DPP10: variants seen among roughly 807,000 people sequenced by gnomAD.
DPP10 encodes the protein dipeptidyl peptidase like 10, also known as inactive dipeptidyl peptidase 10.
DPP10 carries 33 observed loss-of-function variants against 120.9 expected under a neutral mutation model. That is an observed-to-expected ratio of 0.27 (90% CI 0.21 to 0.37). The LOEUF (loss-of-function observed/expected upper bound fraction) is 0.37. Among genes scored for constraint, DPP10 ranks in the 10% least tolerant of loss-of-function variants. The pLI, the probability that DPP10 is intolerant of heterozygous loss-of-function variation, is 1.00. For synonymous variants in DPP10, 337 were observed against 326.1 expected, an observed-to-expected ratio of 1.03 and a Z score of -0.36; for missense variants, 816 against 942.8, an observed-to-expected ratio of 0.87 and a Z score of 1.76.
At chr2:114,481,898 A>AGAGGAGAAGGGAGAAG (rs1333740490) in intron 1 of DPP10, among the ~76,000 whole-genome samples, 1 of 151,318 alleles carries the variant, frequency 6.6e-6, no homozygotes, top group African/African-American at 2.4e-5. Flanking sequence ...GAAGGAGAAG[A>AGAGGAGAAGGGAGAAG]GAGGAGAAGG....
At position 114,748,367 on chromosome 2, in the gene DPP10, TTTATTTA is replaced by T. The variant is rs1558698989; in HGVS notation, c.60+305532_60+305538del. Among the ~76,000 whole-genome samples, 17 of 96,224 alleles carry T rather than the reference TTTATTTA, an allele frequency of 1.8e-4. 1 individual carries two copies. The highest frequency in any genetic ancestry group is 5.5e-4 in the African/African-American group (11 of 20,044). The allele number at this position is 96,224 out of a possible 152,430, so 63.1% of individuals were successfully genotyped here. A position where few individuals can be genotyped will look rare whatever the true frequency, so the allele number is the denominator to read the frequency against. On this transcript the variant is annotated intron_variant, in intron 1 of 25. Coordinates refer to ENST00000410059, the MANE Select transcript of DPP10 (RefSeq NM_020868.6). ...TTTTTTTTTATTTTTTTTTATTTTA[TTTATTTA>T]TTTATTTATTTATTTATTTATTTAT... is the stretch of plus-strand genomic sequence containing the variant.
At chr2:114,587,726 C>T (rs1215059578) in intron 1 of DPP10, among the ~76,000 whole-genome samples, 3 of 152,200 alleles carry the variant, frequency 2.0e-5, no homozygotes, top group African/African-American at 4.8e-5. Flanking sequence ...TTCCCTCAAA[C>T]ACTGTAAACT....
chr2:115,566,984 T>C (rs1446908731), intron 5 of DPP10, among the ~76,000 whole-genome samples: 1 of 152,162 alleles, frequency 6.6e-6, no homozygotes, highest in Non-Finnish European at 1.5e-5. Context: ...TCCTCAGCCT[T>C]ATAAGAGACG....
chr2:115,264,416 A>G (rs1375427222), intron 1 of DPP10, among the ~76,000 whole-genome samples: 6 of 152,190 alleles, frequency 3.9e-5, no homozygotes, highest in Non-Finnish European at 5.9e-5. Context: ...AGGATAGGGC[A>G]GGATCGCATA....
intron 1 of DPP10, among the ~76,000 whole-genome samples, chr2:114,610,117 C>T (rs192244566): frequency 4.6e-5 from 7 of 152,276 alleles, no homozygotes; most frequent in East Asian, 3.9e-4. Flanking sequence ...CTCCATCTTA[C>T]GGATGACGAA....
chr2:115,420,653 A>T (rs1234407594), intron 3 of DPP10, among the ~76,000 whole-genome samples: 1 of 152,192 alleles, frequency 6.6e-6, no homozygotes, highest in Non-Finnish European at 1.5e-5. Flanking sequence ...AAAGACTGGT[A>T]ATGATGGAGA....
intron 3 of DPP10, among the ~76,000 whole-genome samples, chr2:115,467,147 C>G (rs2074376597): frequency 6.6e-6 from 1 of 152,092 alleles, no homozygotes; most frequent in Non-Finnish European, 1.5e-5. Flanking sequence ...AAGCAGAAAT[C>G]TGAACATAGA....
chr2:115,450,480 T>TAAA (rs2073022410), intron 3 of DPP10, among the ~76,000 whole-genome samples: 7 of 151,848 alleles, frequency 4.6e-5, no homozygotes, highest in Admixed American at 4.6e-4. Flanking sequence ...ATTGCGAAAC[T>TAAA]TTGATTTGAA....
chr2:115,734,675 A>T (rs2092991862), intron 8 of DPP10, among the ~76,000 whole-genome samples: 1 of 128,492 alleles, frequency 7.8e-6, no homozygotes, highest in East Asian at 2.7e-4. Context: ...AAAAAAAAAA[A>T]AAAAAAAGAA....
At chr2:114,736,119 A>G (rs1677407993) in intron 1 of DPP10, among the ~76,000 whole-genome samples, 1 of 151,932 alleles carries the variant, frequency 6.6e-6, no homozygotes, top group Non-Finnish European at 1.5e-5. Context: ...AGTCATTTCC[A>G]ACTCTTCTTC....
chr2:114,955,300 GCCGGCTCCTTT>G (rs1353955132), intron 1 of DPP10, among the ~76,000 whole-genome samples: 2 of 152,134 alleles, frequency 1.3e-5, no homozygotes, highest in Non-Finnish European at 2.9e-5. Context: ...TTTGGTTTTG[GCCGGCTCCTTT>G]ACTGCAACCT....
At chr2:114,529,116 C>T (rs1381782842) in intron 1 of DPP10, among the ~76,000 whole-genome samples, 2 of 152,070 alleles carry the variant, frequency 1.3e-5, no homozygotes, top group African/African-American at 4.8e-5. Context: ...GTTGCTACTG[C>T]CCCTACCTGC....
intron 4 of DPP10, among the ~76,000 whole-genome samples, chr2:115,508,485 C>T (rs904959454): frequency 6.6e-6 from 1 of 152,098 alleles, no homozygotes; most frequent in Non-Finnish European, 1.5e-5. Context: ...AGAATAACTG[C>T]AAAGTATAGG....
At chr2:115,748,996 T>C (rs998349801) in intron 10 of DPP10, among the ~76,000 whole-genome samples, 1 of 152,176 alleles carries the variant, frequency 6.6e-6, no homozygotes, top group Non-Finnish European at 1.5e-5. Context: ...TTTACCTGAA[T>C]CACAGTCTGT....
At chr2:114,752,877 G>C (rs1356304716) in intron 1 of DPP10, among the ~76,000 whole-genome samples, 1 of 152,178 alleles carries the variant, frequency 6.6e-6, no homozygotes, top group Non-Finnish European at 1.5e-5. Flanking sequence ...GGGAAATATG[G>C]TATAGGCAGA....
At chr2:114,469,361 T>G (rs1006514501) in intron 1 of DPP10, among the ~76,000 whole-genome samples, 39 of 152,362 alleles carry the variant, frequency 2.6e-4, no homozygotes, top group Non-Finnish European at 2.6e-4. Flanking sequence ...TATCATTTTT[T>G]ATTGTCTAGG....
intron 1 of DPP10, among the ~76,000 whole-genome samples, chr2:115,307,363 A>C (rs2061399818): frequency 6.6e-6 from 1 of 152,068 alleles, no homozygotes; most frequent in Non-Finnish European, 1.5e-5. Flanking sequence ...ATAATCAGTA[A>C]ATTTCAGTTT....
In DPP10 at chr2:115,234,853, C is replaced by T. The variant is rs139065311; in HGVS notation, c.61-74386C>T. Among the ~76,000 whole-genome samples, 16 of 152,180 alleles carry T rather than the reference C, an allele frequency of 1.1e-4. 2 individuals are homozygous for T. The highest frequency in any genetic ancestry group is 3.1e-4 in the African/African-American group (13 of 41,520). ...TTTAGTAGTCTTTTTGTTTCTATCA[C>T]GGTCTTGTTTATTCTAAAAGTTGAT... On this transcript the variant is annotated intron_variant, in intron 1 of 25. Transcript: ENST00000410059.
At chr2:115,783,456 TAA>T (rs1249157121) in intron 17 of DPP10, among the ~76,000 whole-genome samples, 1 of 152,066 alleles carries the variant, frequency 6.6e-6, no homozygotes, top group Admixed American at 6.5e-5. Flanking sequence ...GATATATAGG[TAA>T]AAAAGTGTAA....
Sources: gnomAD v4.1 joint callset for allele counts (sites outside exome capture counted in the v4.1 genomes callset) on GRCh38, gnomAD v4.1.1 for gene constraint, MANE v1.5 for transcripts, NCBI Gene and HGNC (gene_info 2026-07-23, HGNC 2026-07-21) for gene names.